Variants in JPT2 observed in about 807,000 individuals in gnomAD.
The protein encoded by JPT2 is Jupiter microtubule associated homolog 2.
JPT2 carries 9 observed loss-of-function variants against 15.9 expected under a neutral mutation model. The ratio of observed to expected loss-of-function variants is 0.57; its 90% CI spans 0.34 to 0.99. The LOEUF (loss-of-function observed/expected upper bound fraction) is 0.99. Among genes scored for constraint, JPT2 ranks in the 50% least tolerant of loss-of-function variants. The probability of loss-of-function intolerance (pLI) is 0.02; values close to 1 mark genes in which losing one functional copy is unlikely to be tolerated. For synonymous variants in JPT2, 95 were observed against 91.7 expected (o/e 1.04, Z -0.21); for missense variants, 267 against 252.1 (o/e 1.06, Z -0.40).
At chr16:1,684,730 T>G (rs2037051735) in intron 1 of JPT2, among the ~76,000 whole-genome samples, 1 of 147,538 alleles carries the variant, frequency 6.8e-6, no homozygotes, top group African/African-American at 2.5e-5. Context: ...GCAACAAGAG[T>G]AAAACTCCGT....
chr16:1,685,474 T>A lies in JPT2; in HGVS notation c.80T>A (p.Leu27His), dbSNP rs913556945. The change falls in exon 2 of 5, where the codon CTT becomes CAT. Residue 27 changes from leucine to histidine, a missense_variant. Coordinates refer to ENST00000248098, the MANE Select transcript of JPT2 (RefSeq NM_144570.3). Reference sequence around the variant, plus strand: ...CCCCCAGGAGGAGAATCGAGCAATCTTTTTGGAAGTCCAGAAGAAGCTACT... The same window carrying A: ...CCCCCAGGAGGAGAATCGAGCAATCATTTTGGAAGTCCAGAAGAAGCTACT... ...MKPPGGESSN[L>H]FGSPEEATPS... 2.5e-6 allele frequency: 4 copies of A among 1,613,998 alleles called. No individual in the cohort carries two copies. Among genetic ancestry groups the A allele is most frequent in the African/African-American group, 2.7e-5 (2 of 74,924 alleles).
chr16:1,685,763 T>TG, intron 2 of JPT2, 176 bp downstream of exon 2: 1 of 656,600 alleles, frequency 1.5e-6, no homozygotes, highest in Non-Finnish European at 2.4e-6. Flanking sequence ...GAAGGTGACT[T>TG]GAGTAGTCTT....
At chr16:1,683,650 G>C in intron 1 of JPT2, 5 of 1,245,814 alleles carry the variant, frequency 4.0e-6, no homozygotes, top group Non-Finnish European at 5.7e-6. Context: ...GGTCTCTGCA[G>C]GCGGAGACTG....
intron 1 of JPT2, among the ~76,000 whole-genome samples, chr16:1,683,251 C>T (rs1017317709): frequency 1.3e-5 from 2 of 152,106 alleles, no homozygotes; most frequent in Non-Finnish European, 2.9e-5. Context: ...GCTGGGATTA[C>T]AGGCGTGAGC....
chr16:1,692,077 G>C, intron 3 of JPT2, 92 bp downstream of exon 3: 1 of 1,498,188 alleles, frequency 6.7e-7, no homozygotes, highest in Non-Finnish European at 9.1e-7. Flanking sequence ...CATGTTTTTA[G>C]GGAGAATCAT....
rs1008185554 is a variant in JPT2, at chr16:1,700,825, G to A, written c.*1827G>A. On this transcript the variant is annotated 3_prime_UTR_variant, in exon 5 of 5. Transcript: ENST00000248098. ...TTGCCAGGAAGAAATAGGACGTGAC[G>A]GTACTGGGCCCTGTGATTCTCCCAG... 2.6e-5 allele frequency: 4 copies of A among 152,290 alleles called. No homozygotes were observed. Among genetic ancestry groups the A allele is most frequent in the African/African-American group, 7.2e-5 (3 of 41,442 alleles). The allele number at this position is 152,290 out of a possible 1,614,324, so 9.4% of individuals were successfully genotyped here.
chr16:1,694,292 G>A (rs1448944660), intron 3 of JPT2, among the ~76,000 whole-genome samples: 1 of 152,120 alleles, frequency 6.6e-6, no homozygotes, highest in African/African-American at 2.4e-5. Flanking sequence ...CCCCATTGAC[G>A]CTGTTTCGTC....
chr16:1,685,661 ACT>A (rs1439705385), intron 2 of JPT2, 74 bp downstream of exon 2: 146 of 1,463,714 alleles, frequency 1.0e-4, no homozygotes, highest in Non-Finnish European at 1.3e-4. Flanking sequence ...GTTTCTTTAT[ACT>A]GATCCTTTCC....
At chr16:1,688,793 C>G (rs139676999) in intron 2 of JPT2, 5 of 152,150 alleles carry the variant, frequency 3.3e-5, no homozygotes, top group Non-Finnish European at 5.9e-5. Flanking sequence ...AAACATCTCT[C>G]GAGTTTATCT....
intron 1 of JPT2, among the ~76,000 whole-genome samples, chr16:1,681,294 TG>T (rs2037021015): frequency 6.6e-6 from 1 of 152,218 alleles, no homozygotes; most frequent in African/African-American, 2.4e-5. Flanking sequence ...AAACCTGCAG[TG>T]GGACCTGTTG....
At chr16:1,685,325 C>A in intron 1 of JPT2, 114 bp from the exon 2 acceptor site, 1 of 1,188,524 alleles carries the variant, frequency 8.4e-7, no homozygotes, top group Non-Finnish European at 1.2e-6. Flanking sequence ...GAGACCTTGT[C>A]TCAAAAAGAA....
At chr16:1,697,341 T>C (rs1241816729) in intron 3 of JPT2, among the ~76,000 whole-genome samples, 2 of 151,994 alleles carry the variant, frequency 1.3e-5, no homozygotes, top group African/African-American at 2.4e-5. Flanking sequence ...GGCAAAACCC[T>C]GTCTCTACAA....
rs771894340 is a variant in JPT2, at chr16:1,698,816, A to C, written c.391A>C (p.Arg131=). The C allele has an allele frequency of 3.7e-6, 6 of 1,610,634 alleles. No homozygotes were observed. Among genetic ancestry groups the C allele is most frequent in the Non-Finnish European group, 5.1e-6 (6 of 1,178,792 alleles). ...EEPKSDLKAA[R]SIPAGAEPGE... Reference sequence around the variant, plus strand: ...TCTAACTTTGTGTCCCACAGCTGCAAGGAGCATCCCGGCTGGAGCAGAGCC... The same window carrying C: ...TCTAACTTTGTGTCCCACAGCTGCACGGAGCATCCCGGCTGGAGCAGAGCC... Residue 131 remains arginine (R), a synonymous_variant, in exon 5 of 5, where the codon AGG becomes CGG. Coordinates refer to ENST00000248098, the MANE Select transcript of JPT2 (RefSeq NM_144570.3). This position sits in a 1 kb window ranked among gnomAD's most constrained non-coding sequence, Gnocchi z 4.9.
At chr16:1,694,690 CTTTTT>C (rs34507327) in intron 3 of JPT2, among the ~76,000 whole-genome samples, 1 of 144,008 alleles carries the variant, frequency 6.9e-6, no homozygotes, top group Non-Finnish European at 1.5e-5. Context: ...TTCCAAAGGG[CTTTTT>C]TTTTTTTCAC....
Position 1,698,861 on chromosome 16 carries a change from A to G in JPT2, c.436A>G (p.Arg146Gly). ...AGAGCCAGGTGAGAAAGGCAGCGCC[A>G]GAAAAGCAGGCCCCGCCAAGGAGCA... ...GAEPGEKGSA[R>G]KAGPAKEQEP... The change falls in exon 5 of 5, where the codon AGA becomes GGA. Residue 146 changes from arginine to glycine, a missense_variant. Transcript: ENST00000248098. This position sits in a 1 kb window ranked among gnomAD's most constrained non-coding sequence, Gnocchi z 4.9. 3 of 1,614,194 alleles carry G rather than the reference A, an allele frequency of 1.9e-6. No individual in the cohort carries two copies. The highest frequency in any genetic ancestry group is 2.5e-6 in the Non-Finnish European group (3 of 1,180,028).
At chr16:1,684,728 A>T (rs536268509) in intron 1 of JPT2, among the ~76,000 whole-genome samples, 2 of 151,920 alleles carry the variant, frequency 1.3e-5, no homozygotes, top group Admixed American at 1.3e-4. Context: ...GGGCAACAAG[A>T]GTAAAACTCC....
rs529170780 is a variant in JPT2, at chr16:1,678,310, G to C, written c.-3G>C. The C allele has an allele frequency of 1.5e-5, 18 of 1,237,770 alleles. No homozygotes were observed. The highest frequency in any genetic ancestry group is 6.2e-5 in the African/African-American group (4 of 64,306). The allele number at this position is 1,237,770 out of a possible 1,614,324, so 76.7% of individuals were successfully genotyped here. A position where few individuals can be genotyped will look rare whatever the true frequency, so the allele number is the denominator to read the frequency against. The stretch of plus-strand genomic sequence containing the variant: ...CGGCGAGCTGAGGGTGGCGGCGGTC[G>C]ACATGTTCCAGGTCCCGGATAGCGA... On this transcript the variant is annotated 5_prime_UTR_variant, in exon 1 of 5. Transcript: ENST00000248098.
rs760966448 is a variant in JPT2, at chr16:1,678,302, C to A, written c.-11C>A. 1.6e-6 allele frequency: 2 copies of A among 1,237,062 alleles called. No individual in the cohort carries two copies. The highest frequency in any genetic ancestry group is 2.0e-6 in the Non-Finnish European group (2 of 987,270). The allele number at this position is 1,237,062 out of a possible 1,614,324, so 76.6% of individuals were successfully genotyped here. On this transcript the variant is annotated 5_prime_UTR_variant, in exon 1 of 5. Coordinates refer to ENST00000248098, the MANE Select transcript of JPT2 (RefSeq NM_144570.3). ...ACGGCGCGCGGCGAGCTGAGGGTGG[C>A]GGCGGTCGACATGTTCCAGGTCCCG... is the stretch of plus-strand genomic sequence containing the variant.
At chr16:1,682,844 C>T (rs1567468271) in intron 1 of JPT2, among the ~76,000 whole-genome samples, 1 of 152,148 alleles carries the variant, frequency 6.6e-6, no homozygotes. Flanking sequence ...AGTCCTCACT[C>T]TTTCGTCCAG....
Sources: allele counts gnomAD v4.1 joint callset (sites outside exome capture counted in the v4.1 genomes callset), GRCh38; gene constraint gnomAD v4.1.1; non-coding constraint Gnocchi (gnomAD v3.1); transcripts MANE v1.5; gene names NCBI Gene and HGNC (gene_info 2026-07-23, HGNC 2026-07-21).